The following FRMD3 variants were observed in gnomAD, a reference collection of about 807,000 sequenced individuals.
FRMD3 encodes FERM domain containing 3.
A neutral mutation model predicts 70.2 loss-of-function variants in FRMD3; 33 were observed. That is an observed-to-expected ratio of 0.47 (90% CI 0.36 to 0.63). The LOEUF (loss-of-function observed/expected upper bound fraction) is 0.63, where lower values mean the gene tolerates loss of function less well. FRMD3 is among the 20% of genes least tolerant of loss of function. FRMD3 has a pLI of 0.00. For synonymous variants in FRMD3, 279 were observed against 255.9 expected (o/e 1.09, Z -0.86); for missense variants, 632 against 711.4 (o/e 0.89, Z 1.27).
chr9:83,501,771 G>C (rs188492860), intron 1 of FRMD3, among the ~76,000 whole-genome samples: 1 of 152,180 alleles, frequency 6.6e-6, no homozygotes, highest in African/African-American at 2.4e-5. Flanking sequence ...ATTTCTTATT[G>C]CTAGCAGGGC....
intron 13 of FRMD3, among the ~76,000 whole-genome samples, chr9:83,267,981 G>A (rs1334460900): frequency 2.0e-5 from 3 of 152,100 alleles, no homozygotes; most frequent in East Asian, 1.9e-4. Flanking sequence ...ATAAGGAAAC[G>A]ACAACTTAGA....
At chr9:83,574,650 A>G in the FRMD3 span, among the ~76,000 whole-genome samples, 1 of 152,132 alleles carries the variant, frequency 6.6e-6, no homozygotes, top group East Asian at 1.9e-4. Context: ...GTGGGAAACT[A>G]TTAATAGAAT....
Position 83,246,207 on chromosome 9 carries a change from G to T in FRMD3, c.*1711C>A. ...TAGCTAGAGAGAGCGATTCCAAGTG[G>T]GCCCTGTAACTTTGTACATTAGGGC... On this transcript the variant is annotated 3_prime_UTR_variant, in exon 14 of 14. Coordinates refer to ENST00000304195, the MANE Select transcript of FRMD3 (RefSeq NM_174938.6). 1 of 984,900 alleles carries T rather than the reference G, an allele frequency of 1.0e-6. No homozygotes were observed. Among genetic ancestry groups the T allele is most frequent in the Non-Finnish European group, 1.2e-6 (1 of 829,640 alleles). The allele number at this position is 984,900 out of a possible 1,614,324, so 61.0% of individuals were successfully genotyped here. A position where few individuals can be genotyped will look rare whatever the true frequency, so the allele number is the denominator to read the frequency against.
At chr9:83,273,425 G>A (rs1008339997) in intron 13 of FRMD3, among the ~76,000 whole-genome samples, 2 of 151,066 alleles carry the variant, frequency 1.3e-5, no homozygotes, top group African/African-American at 4.9e-5. Flanking sequence ...ACAGATGCTT[G>A]AAGGCAGCAT....
intron 10 of FRMD3, among the ~76,000 whole-genome samples, chr9:83,306,900 A>G (rs1835156518): frequency 6.6e-6 from 1 of 152,162 alleles, no homozygotes; most frequent in African/African-American, 2.4e-5. Flanking sequence ...ATAGATAGAA[A>G]TGATGGTTGG....
In FRMD3 at chr9:83,365,080, TATTC is replaced by T. The variant is rs1388984867; in HGVS notation, c.295+7829_295+7832del. 1.8e-4 allele frequency among the ~76,000 whole-genome samples: 27 copies of T among 152,344 alleles called. No homozygotes were observed. In the East Asian group the frequency reaches 5.2e-3, roughly 29 times the overall value. On this transcript the variant is annotated intron_variant, in intron 3 of 13. Coordinates refer to ENST00000304195, the MANE Select transcript of FRMD3 (RefSeq NM_174938.6). ...CTATAGCTCACAGGCCTTGGTATAC[TATTC>T]AACAGAACAAGGACCCACCAGTGGT... is the stretch of plus-strand genomic sequence containing the variant.
intron 6 of FRMD3, among the ~76,000 whole-genome samples, 189 bp from the exon 7 acceptor site, chr9:83,313,936 T>C (rs1835463363): frequency 6.6e-6 from 1 of 152,196 alleles, no homozygotes; most frequent in Admixed American, 6.5e-5. Flanking sequence ...CGAGCTTGTG[T>C]TCTCTAGTTA....
At chr9:83,411,968 T>C (rs1056182709) in intron 1 of FRMD3, among the ~76,000 whole-genome samples, 6 of 152,236 alleles carry the variant, frequency 3.9e-5, no homozygotes, top group Non-Finnish European at 8.8e-5. Context: ...AGAAATGTTC[T>C]AGCTGCCCAT....
At chr9:83,335,366 T>A (rs1269088820) in intron 6 of FRMD3, 150 bp downstream of exon 6, 11 of 720,748 alleles carry the variant, frequency 1.5e-5, no homozygotes, top group Non-Finnish European at 2.3e-6. Flanking sequence ...AGGGTGTCCT[T>A]GACAGTGCCC....
intron 1 of FRMD3, among the ~76,000 whole-genome samples, chr9:83,449,269 A>T (rs1827570137): frequency 1.3e-5 from 2 of 152,212 alleles, no homozygotes; most frequent in African/African-American, 4.8e-5. Context: ...TGAAAACCTA[A>T]CACAGAACTC....
chr9:83,269,394 C>A (rs980295418), intron 13 of FRMD3, among the ~76,000 whole-genome samples: 1 of 152,174 alleles, frequency 6.6e-6, no homozygotes, highest in Non-Finnish European at 1.5e-5. Flanking sequence ...CCATAATTCT[C>A]AAGCTTAACA....
At position 83,538,109 on chromosome 9, in the gene FRMD3, G is replaced by C; in HGVS notation, c.123C>G (p.Asp41Glu). ...CCTGGATGTGGCAGGAGATCTCCGA[G>C]TCGTCCAGCAGCCGGATGGTGCATC... ...EMRCTIRLLD[D>E]SEISCHIQRE... is the part of the protein sequence containing the mutation. The change falls in exon 1 of 14, where the codon GAC (aspartate) becomes GAG (glutamate). Residue 41 changes from aspartate (D) to glutamate (E), a missense_variant. By Grantham distance (45) the Asp-to-Glu change is conservative (BLOSUM62 2). Coordinates refer to ENST00000304195, the MANE Select transcript of FRMD3 (RefSeq NM_174938.6). This position sits in a 1 kb window ranked among gnomAD's most constrained non-coding sequence, Gnocchi z 4.7. The C allele has an allele frequency of 1.2e-6, 2 of 1,613,340 alleles. No individual in the cohort carries two copies. Among genetic ancestry groups the C allele is most frequent in the Non-Finnish European group, 8.5e-7 (1 of 1,179,652 alleles).
At chr9:83,350,436 G>A (rs1477159378) in intron 3 of FRMD3, among the ~76,000 whole-genome samples, 2 of 149,944 alleles carry the variant, frequency 1.3e-5, no homozygotes, top group African/African-American at 4.9e-5. Flanking sequence ...CCAACATGGA[G>A]AAACCCCATC....
intron 6 of FRMD3, among the ~76,000 whole-genome samples, chr9:83,322,308 T>C (rs377181208): frequency 6.6e-6 from 1 of 152,076 alleles, no homozygotes; most frequent in African/African-American, 2.4e-5. Context: ...CAGTCCATCA[T>C]TAAACTCTCA....
intron 1 of FRMD3, among the ~76,000 whole-genome samples, chr9:83,395,349 C>T (rs989984662): frequency 2.0e-5 from 3 of 150,456 alleles, no homozygotes; most frequent in South Asian, 2.1e-4. Flanking sequence ...TTTTATTTTA[C>T]GTTCATGGGT....
intron 5 of FRMD3, among the ~76,000 whole-genome samples, chr9:83,336,966 T>A (rs1823600892): frequency 6.6e-6 from 1 of 152,064 alleles, no homozygotes; most frequent in South Asian, 2.1e-4. Flanking sequence ...CTGGCCAGTC[T>A]ATGGAGGCTG....
At chr9:83,493,206 A>G (rs1828869284) in intron 1 of FRMD3, among the ~76,000 whole-genome samples, 1 of 152,148 alleles carries the variant, frequency 6.6e-6, no homozygotes, top group African/African-American at 2.4e-5. Flanking sequence ...ACTGGGGGCT[A>G]TGTTGGTGGC....
At chr9:83,295,039 T>C (rs1834605011) in intron 12 of FRMD3, among the ~76,000 whole-genome samples, 1 of 152,168 alleles carries the variant, frequency 6.6e-6, no homozygotes, top group South Asian at 2.1e-4. Flanking sequence ...TCTGCAAAAA[T>C]ATCTGGCCCG....
At chr9:83,359,403 T>C (rs1030342540) in intron 3 of FRMD3, among the ~76,000 whole-genome samples, 2 of 152,202 alleles carry the variant, frequency 1.3e-5, no homozygotes, top group African/African-American at 4.8e-5. Context: ...AACAAATTGC[T>C]GCGTCCAAAC....
Sources: gnomAD v4.1 joint callset for allele counts (sites outside exome capture counted in the v4.1 genomes callset) on GRCh38, gnomAD v4.1.1 for gene constraint, Gnocchi (gnomAD v3.1) non-coding constraint, MANE v1.5 for transcripts, NCBI Gene and HGNC (gene_info 2026-07-23, HGNC 2026-07-21) for gene names.